The following CDH1 variants were observed in gnomAD, a reference collection of about 807,000 sequenced individuals.
CDH1 encodes cadherin 1.
CDH1 carries 35 observed loss-of-function variants against 84.5 expected under a neutral mutation model. The observed-to-expected ratio is 0.41, with a 90% CI of 0.32 to 0.55. CDH1 has a LOEUF of 0.55. Among genes scored for constraint, CDH1 ranks in the 20% least tolerant of loss-of-function variants. CDH1 has a pLI of 0.19. For synonymous variants in CDH1, 417 were observed against 439.0 expected (o/e 0.95, Z 0.63); for missense variants, 994 against 1,126.6 (o/e 0.88, Z 1.68).
At chr16:68,788,612 C>A (rs1169694868) in intron 2 of CDH1, among the ~76,000 whole-genome samples, 1 of 152,166 alleles carries the variant, frequency 6.6e-6, no homozygotes, top group Non-Finnish European at 1.5e-5. Context: ...TGCTGAGTAG[C>A]TATACCATAT....
At chr16:68,767,817 G>A (rs1959433381) in intron 2 of CDH1, among the ~76,000 whole-genome samples, 1 of 152,140 alleles carries the variant, frequency 6.6e-6, no homozygotes, top group African/African-American at 2.4e-5. Flanking sequence ...GAGGAGAGCC[G>A]GGTGTGGTAG....
intron 8 of CDH1, 92 bp from the exon 9 acceptor site, chr16:68,813,221 C>T (rs1452883863): frequency 1.5e-6 from 2 of 1,311,696 alleles, no homozygotes; most frequent in African/African-American, 2.9e-5. Context: ...CTCAAAAGAA[C>T]AACAAAAAAA....
At position 68,829,733 on chromosome 16, in the gene CDH1, T is replaced by C. The variant is rs752349229; in HGVS notation, c.2375T>C (p.Met792Thr). The change falls in exon 15 of 16, where the codon ATG (methionine) becomes ACG (threonine). Residue 792 changes from methionine (M) to threonine (T), a missense_variant. Physicochemically the swap from Met to Thr is moderately conservative, Grantham distance 81. Around this residue, in one of 3 missense-constraint regions of CDH1, gnomAD observed 769 missense variants for 881.8 expected, o/e 0.87. Transcript: ENST00000261769. ...VTRNDVAPTL[M>T]SVPRYLPRPA... ...CGTAACGACGTTGCACCAACCCTCATGAGTGTCCCCCGGTATCTTCCCCGC... is the reference window on the plus strand; with the variant it reads ...CGTAACGACGTTGCACCAACCCTCACGAGTGTCCCCCGGTATCTTCCCCGC... 1.9e-6 allele frequency: 3 copies of C among 1,614,108 alleles called. No individual in the cohort carries two copies. Among genetic ancestry groups the C allele is most frequent in the Non-Finnish European group, 1.7e-6 (2 of 1,180,014 alleles).
At chr16:68,750,071 C>T (rs571081067) in intron 2 of CDH1, among the ~76,000 whole-genome samples, 1 of 149,466 alleles carries the variant, frequency 6.7e-6, no homozygotes, top group African/African-American at 2.5e-5. Flanking sequence ...CTTGGCCTCT[C>T]GAAGTGCTGG....
At chr16:68,815,460 T>G (rs1435898939) in intron 9 of CDH1, 55 bp from the exon 10 acceptor site, 4 of 1,611,090 alleles carry the variant, frequency 2.5e-6, no homozygotes, top group Non-Finnish European at 2.5e-6. Flanking sequence ...AATTTTATTT[T>G]TACTAACACA....
intron 10 of CDH1, among the ~76,000 whole-genome samples, chr16:68,818,798 C>T (rs1203815505): frequency 6.3e-5 from 9 of 142,150 alleles, no homozygotes; most frequent in African/African-American, 2.4e-4. Context: ...TGCAGCGAGC[C>T]GACATCGCGC....
chr16:68,823,306 C>T (rs913595887), intron 12 of CDH1, 93 bp from the exon 13 acceptor site: 15 of 858,150 alleles, frequency 1.7e-5, no homozygotes, highest in Admixed American at 3.6e-5. Context: ...ACTCGGCTTG[C>T]GGGTGTCTTT....
chr16:68,782,287 G>A (rs965902490), intron 2 of CDH1, among the ~76,000 whole-genome samples: 1 of 152,158 alleles, frequency 6.6e-6, no homozygotes, highest in Non-Finnish European at 1.5e-5. Flanking sequence ...CCTGTCCCAG[G>A]AACCTGCACA....
At chr16:68,796,619 A>G (rs1960368958) in intron 2 of CDH1, among the ~76,000 whole-genome samples, 1 of 152,188 alleles carries the variant, frequency 6.6e-6, no homozygotes, top group African/African-American at 2.4e-5. Flanking sequence ...TTTGAACATC[A>G]GTCATCTCTC....
chr16:68,782,486 G>A (rs1234970803), intron 2 of CDH1, among the ~76,000 whole-genome samples: 1 of 152,176 alleles, frequency 6.6e-6, no homozygotes, highest in South Asian at 2.1e-4. Flanking sequence ...AGACTCAAGC[G>A]TTTAACTTTC....
rs779267700 is a variant in CDH1 at position 68,833,343 on chromosome 16, C to T, written c.2493C>T (p.Leu831=). The change falls in exon 16 of 16, where the codon CTC becomes CTT. Residue 831 remains leucine, a synonymous_variant. Coordinates refer to ENST00000261769, the MANE Select transcript of CDH1 (RefSeq NM_004360.5). ...CAGCCCCGCCTTATGATTCTCTGCT[C>T]GTGTTTGACTATGAAGGAAGCGGTT... ...DPTAPPYDSL[L]VFDYEGSGSE... 26 of 1,614,062 alleles carry T rather than the reference C, an allele frequency of 1.6e-5. No individual in the cohort carries two copies. The highest frequency in any genetic ancestry group is 1.8e-5 in the Non-Finnish European group (21 of 1,180,044).
intron 13 of CDH1, 83 bp downstream of exon 13, chr16:68,823,709 T>C (rs1961241050): frequency 1.1e-6 from 1 of 922,358 alleles, no homozygotes; most frequent in Admixed American, 2.0e-5. Context: ...TTTGTTCTTA[T>C]ATTAATAAGG....
At chr16:68,808,393 T>C (rs2152129543) in intron 3 of CDH1, 31 bp from the exon 4 acceptor site, 1 of 1,613,882 alleles carries the variant, frequency 6.2e-7, no homozygotes, top group Non-Finnish European at 8.5e-7. Flanking sequence ...TTGAATTGTC[T>C]TATCTTGTTC....
At chr16:68,793,673 C>T (rs1200622057) in intron 2 of CDH1, among the ~76,000 whole-genome samples, 1 of 152,174 alleles carries the variant, frequency 6.6e-6, no homozygotes, top group Non-Finnish European at 1.5e-5. Flanking sequence ...GGATGGATCA[C>T]CTGAGGCCAG....
Position 68,823,508 on chromosome 16 carries a change from G to A in CDH1, c.2046G>A (p.Glu682=), listed in dbSNP as rs753209043. The change falls in exon 13 of 16, where the codon GAG becomes GAA. Residue 682 remains glutamate (E), a synonymous_variant. Coordinates refer to ENST00000261769, the MANE Select transcript of CDH1 (RefSeq NM_004360.5). ...NQNKDQVTTL[E]VSVCDCEGAA... ...ATAAAGACCAAGTGACCACCTTAGA[G>A]GTCAGCGTGTGTGACTGTGAAGGGG... 29 of 1,613,986 alleles carry A rather than the reference G, an allele frequency of 1.8e-5. No homozygotes were observed. Among genetic ancestry groups the A allele is most frequent in the Non-Finnish European group, 2.5e-5 (29 of 1,179,996 alleles).
At position 68,749,746 on chromosome 16, in the gene CDH1, C is replaced by T. The variant is rs1447324211; in HGVS notation, c.163+11335C>T. Reference sequence around the variant, plus strand: ...TGATGGCAGTGCTGGGGCTGCAGGCCAGGCCTTTCTCCTTCCAAAACCAGG... The same window carrying T: ...TGATGGCAGTGCTGGGGCTGCAGGCTAGGCCTTTCTCCTTCCAAAACCAGG... On this transcript the variant is annotated intron_variant, in intron 2 of 15. Transcript: ENST00000261769. 3.3e-5 allele frequency among the ~76,000 whole-genome samples: 5 copies of T among 152,322 alleles called. No homozygotes were observed. In the South Asian group the frequency reaches 1.0e-3, roughly 32 times the overall value.
At chr16:68,832,922 C>A (rs1596975755) in intron 15 of CDH1, among the ~76,000 whole-genome samples, 1 of 152,158 alleles carries the variant, frequency 6.6e-6, no homozygotes, top group South Asian at 2.1e-4. Flanking sequence ...TCCTTCCAGG[C>A]CTTTCTGGGT....
chr16:68,802,164 C>A (rs1960534981), intron 3 of CDH1, among the ~76,000 whole-genome samples: 1 of 152,180 alleles, frequency 6.6e-6, no homozygotes, highest in Non-Finnish European at 1.5e-5. Context: ...GGGCTCTTGG[C>A]CTAACTGAAT....
chr16:68,811,546 C>G, intron 6 of CDH1, 138 bp from the exon 7 acceptor site: 2 of 741,108 alleles, frequency 2.7e-6, no homozygotes, highest in Non-Finnish European at 4.7e-6. Context: ...GGTAAGAATT[C>G]TAGGAATTAG....
Sources: gnomAD v4.1 joint callset for allele counts (sites outside exome capture counted in the v4.1 genomes callset) on GRCh38, gnomAD v4.1.1 for gene constraint, gnomAD v4.1.1 regional missense constraint, MANE v1.5 for transcripts, NCBI Gene and HGNC (gene_info 2026-07-23, HGNC 2026-07-21) for gene names.